The following FBXW10 variants were observed in gnomAD, a reference collection of about 807,000 sequenced individuals.
FBXW10 encodes the protein F-box/WD repeat-containing protein 10.
In FBXW10, 68 loss-of-function variants were observed where a neutral mutation model predicts 113.1. The ratio of observed to expected loss-of-function variants is 0.60; its 90% CI spans 0.49 to 0.74. The LOEUF (loss-of-function observed/expected upper bound fraction) is 0.74. FBXW10 is among the 30% of genes least tolerant of loss of function. The pLI, the probability that FBXW10 is intolerant of heterozygous loss-of-function variation, is 0.00. For synonymous variants in FBXW10, 289 were observed against 481.6 expected (o/e 0.60, Z 5.24); for missense variants, 753 against 1,284.5 (o/e 0.59, Z 6.32).
At chr17:18,768,935 T>TA (rs2035556646) in intron 10 of FBXW10, among the ~76,000 whole-genome samples, 2 of 12,520 alleles carry the variant, frequency 1.6e-4, no homozygotes, top group Admixed American at 1.3e-3. Flanking sequence ...AAGTTATTGA[T>TA]TTTTTTTTTT....
intron 13 of FBXW10, among the ~76,000 whole-genome samples, chr17:18,778,122 G>A (rs1214189278): frequency 6.6e-6 from 1 of 151,808 alleles, no homozygotes; most frequent in African/African-American, 2.4e-5. Flanking sequence ...GCATGGTGGC[G>A]GACGCCTGTA....
chr17:18,760,593 C>G (rs964256177), intron 7 of FBXW10, among the ~76,000 whole-genome samples: 1 of 152,180 alleles, frequency 6.6e-6, no homozygotes, highest in Non-Finnish European at 1.5e-5. Flanking sequence ...CATCTGAGGT[C>G]GGGAGTTTGA....
chr17:18,760,517 A>G (rs1218012380), intron 7 of FBXW10, among the ~76,000 whole-genome samples: 1 of 152,222 alleles, frequency 6.6e-6, no homozygotes, highest in Admixed American at 6.5e-5. Flanking sequence ...AAAATTCTCA[A>G]TATGGGCCAG....
chr17:18,763,957 A>G (rs966182541), intron 7 of FBXW10, among the ~76,000 whole-genome samples: 13 of 146,296 alleles, frequency 8.9e-5, no homozygotes, highest in Non-Finnish European at 1.8e-4. Context: ...CAACCTTGGC[A>G]CTATTGCCAT....
chr17:18,772,711 A>G (rs778236718), intron 12 of FBXW10, 28 bp downstream of exon 12: 5 of 1,596,322 alleles, frequency 3.1e-6, no homozygotes, highest in Non-Finnish European at 3.4e-6. Flanking sequence ...CAGCAAGTTC[A>G]GTGATAACCC....
Position 18,744,765 on chromosome 17 carries a change from G to T in FBXW10, c.505+16G>T. Reference sequence around the variant, plus strand: ...AATATCTCAGGTAAACAAGGCCACAGGCAGAGACTAGAGGGCCCCCGAAGA... The same window carrying T: ...AATATCTCAGGTAAACAAGGCCACATGCAGAGACTAGAGGGCCCCCGAAGA... On this transcript the variant is annotated intron_variant, in intron 1 of 13. Coordinates refer to ENST00000395665, the MANE Select transcript of FBXW10 (RefSeq NM_001267585.2). The T allele has an allele frequency of 6.2e-7, 1 of 1,610,404 alleles. No homozygotes were observed. Among genetic ancestry groups the T allele is most frequent in the Admixed American group, 1.7e-5 (1 of 59,700 alleles).
At chr17:18,778,276 A>C (rs549751503) in intron 13 of FBXW10, among the ~76,000 whole-genome samples, 199 bp from the exon 14 acceptor site, 76 of 152,196 alleles carry the variant, frequency 5.0e-4, no homozygotes, top group African/African-American at 1.6e-3. Context: ...AACAAACAAA[A>C]AAATTTGTTT....
chr17:18,767,977 T>C (rs1293732512), intron 9 of FBXW10, among the ~76,000 whole-genome samples: 2 of 151,908 alleles, frequency 1.3e-5, no homozygotes, highest in Non-Finnish European at 2.9e-5. Flanking sequence ...ATGGACTCCA[T>C]TGGCCTTCTT....
At chr17:18,773,454 T>G (rs2035652334) in intron 12 of FBXW10, among the ~76,000 whole-genome samples, 2 of 152,170 alleles carry the variant, frequency 1.3e-5, no homozygotes, top group Non-Finnish European at 2.9e-5. Context: ...AGATAATGTT[T>G]GTAGCTGGAA....
intron 10 of FBXW10, 32 bp downstream of exon 10, chr17:18,768,708 C>T: frequency 6.2e-7 from 1 of 1,611,548 alleles, no homozygotes; most frequent in Non-Finnish European, 8.5e-7. Flanking sequence ...AGCGATGAAC[C>T]TGGTGTCCTT....
At position 18,765,908 on chromosome 17, in the gene FBXW10, T is replaced by A. The variant is rs12452607; in HGVS notation, c.1556-806T>A. Among the ~76,000 whole-genome samples the A allele has an allele frequency of 1.7e-3, 260 of 151,374 alleles. 1 individual carries two copies. Among genetic ancestry groups the A allele is most frequent in the Admixed American group, 0.012 (188 of 15,210 alleles). On this transcript the variant is annotated intron_variant, in intron 8 of 13. Coordinates refer to ENST00000395665, the MANE Select transcript of FBXW10 (RefSeq NM_001267585.2). Reference sequence around the variant, plus strand: ...CGCCCAGCTAATTTTTTTTTTTTTTTAGTAGAGACGGGGTTTCACCATGTT... The same window carrying A: ...CGCCCAGCTAATTTTTTTTTTTTTTAAGTAGAGACGGGGTTTCACCATGTT...
In FBXW10 at chr17:18,772,634, C is replaced by G. The variant is rs149546887; in HGVS notation, c.2229C>G (p.Gly743=). The change falls in exon 12 of 14, where the codon GGC becomes GGG. Residue 743 remains glycine, a synonymous_variant. Coordinates refer to ENST00000395665, the MANE Select transcript of FBXW10 (RefSeq NM_001267585.2). ...CTGTGATCCAAGAGCTCCTACCAGG[C>G]AAACCTCCCAAGTCCCGAGTACTCC... The part of the protein sequence containing the change: ...KQTVIQELLP[G]KPPKSRVLLK... 8.7e-6 allele frequency: 14 copies of G among 1,614,130 alleles called. No homozygotes were observed. Among genetic ancestry groups the G allele is most frequent in the Middle Eastern group, 1.7e-4 (1 of 6,060 alleles).
intron 5 of FBXW10, among the ~76,000 whole-genome samples, 178 bp from the exon 6 acceptor site, chr17:18,755,867 T>C (rs946280568): frequency 5.9e-5 from 9 of 152,136 alleles, no homozygotes; most frequent in African/African-American, 2.2e-4. Context: ...ATTTTCTAAC[T>C]CATGGTTTCC....
intron 11 of FBXW10, among the ~76,000 whole-genome samples, chr17:18,770,467 T>G (rs1325329955): frequency 6.6e-6 from 1 of 152,074 alleles, no homozygotes. Context: ...TATGCCCGGC[T>G]AATTTTTAGT....
rs904442024 is a variant in FBXW10, at chr17:18,769,136, G to A, written c.1847+460G>A. On this transcript the variant is annotated intron_variant, in intron 10 of 13. Transcript: ENST00000395665. ...ATTTTTAGTAGAGATGGGGTTTCAC[G>A]GTGTTAGCCAGGATGGTCTTAATCT... Among the ~76,000 whole-genome samples, 5 of 151,364 alleles carry A rather than the reference G, an allele frequency of 3.3e-5. No individual in the cohort carries two copies. In the South Asian group the frequency reaches 6.3e-4, roughly 19 times the overall value.
intron 7 of FBXW10, among the ~76,000 whole-genome samples, chr17:18,759,413 T>C (rs1018115096): frequency 9.2e-5 from 14 of 151,676 alleles, no homozygotes; most frequent in Admixed American, 2.0e-4. Flanking sequence ...GTGCCTGTTT[T>C]TGAACTCAAC....
chr17:18,758,571 G>C (rs2035318540), intron 7 of FBXW10, 66 bp downstream of exon 7: 1 of 1,599,508 alleles, frequency 6.3e-7, no homozygotes, highest in African/African-American at 1.4e-5. Flanking sequence ...CATGGAAGAA[G>C]TGTGCATGCT....
At chr17:18,757,619 C>G (rs1056189182) in intron 6 of FBXW10, among the ~76,000 whole-genome samples, 11 of 152,202 alleles carry the variant, frequency 7.2e-5, no homozygotes, top group Non-Finnish European at 1.6e-4. Flanking sequence ...TGTACTCCAG[C>G]CTGGGTGACA....
intron 7 of FBXW10, among the ~76,000 whole-genome samples, chr17:18,761,235 G>A (rs1308003758): frequency 6.6e-6 from 1 of 151,206 alleles, no homozygotes; most frequent in Non-Finnish European, 1.5e-5. Context: ...GTTTTAAAAT[G>A]TGACGGGGAG....
Sources: gnomAD v4.1 joint callset for allele counts (sites outside exome capture counted in the v4.1 genomes callset) on GRCh38, gnomAD v4.1.1 for gene constraint, MANE v1.5 for transcripts, NCBI Gene and HGNC (gene_info 2026-07-23, HGNC 2026-07-21) for gene names.